The following ABCB7 variants were observed in gnomAD, a reference collection of about 807,000 sequenced individuals.
The protein encoded by ABCB7 is ATP binding cassette subfamily B member 7.
In ABCB7, 7 loss-of-function variants were observed where a neutral mutation model predicts 54.4. That is an observed-to-expected ratio of 0.13 (90% confidence interval 0.07 to 0.24). The LOEUF (loss-of-function observed/expected upper bound fraction) is 0.24, where lower values mean the gene tolerates loss of function less well. Among genes scored for constraint, ABCB7 ranks in the 10% least tolerant of loss-of-function variants. ABCB7 has a pLI of 1.00. For synonymous variants in ABCB7, 218 were observed against 207.1 expected, an observed-to-expected ratio of 1.05 and a Z score of -0.45; for missense variants, 356 against 570.4, an observed-to-expected ratio of 0.62 and a Z score of 3.83.
chrX:75,086,776 G>A (rs1602356822), intron 4 of ABCB7, among the ~76,000 whole-genome samples: 1 of 111,415 alleles, frequency 9.0e-6, no homozygotes, highest in Non-Finnish European at 1.9e-5. Context: ...CACTGGTCAC[G>A]AGGCCCCACT....
chrX:75,117,483 A>G, intron 1 of ABCB7, among the ~76,000 whole-genome samples: 1 of 110,847 alleles, frequency 9.0e-6, no homozygotes, highest in Non-Finnish European at 1.9e-5. Context: ...GCTCCTCTCA[A>G]TAAAAAGCAA....
intron 15 of ABCB7, among the ~76,000 whole-genome samples, chrX:75,056,116 GTTTCTCTA>G (rs986036487): frequency 8.9e-6 from 1 of 111,746 alleles, no homozygotes; most frequent in African/African-American, 3.3e-5. Flanking sequence ...ACATCTACCA[GTTTCTCTA>G]TTTCTCTATT....
At chrX:75,069,491 CT>C (rs775782857) in intron 10 of ABCB7, 37 bp from the exon 11 acceptor site, 1 of 1,171,912 alleles carries the variant, frequency 8.5e-7, no homozygotes, top group African/African-American at 1.8e-5. Context: ...ACTTTACGCA[CT>C]GCCTAGAGTA....
chrX:75,100,316 C>T (rs1224883284), intron 3 of ABCB7, among the ~76,000 whole-genome samples: 3 of 110,588 alleles, frequency 2.7e-5, no homozygotes, highest in Non-Finnish European at 3.8e-5. Context: ...AAGCAGTATC[C>T]TATCATTCTT....
At chrX:75,153,758 G>GTATATATATATA (rs1331840413) in intron 1 of ABCB7, among the ~76,000 whole-genome samples, 143 of 93,479 alleles carry the variant, frequency 1.5e-3, no homozygotes, top group South Asian at 5.4e-3. Flanking sequence ...GTGTGTGTGT[G>GTATATATATATA]TGTATATATA....
intron 1 of ABCB7, among the ~76,000 whole-genome samples, chrX:75,153,552 G>C (rs922649206): frequency 1.8e-4 from 20 of 108,391 alleles, no homozygotes; most frequent in Non-Finnish European, 2.5e-4. Context: ...TAGGAAGGTG[G>C]AACTTGCTAC....
chrX:75,142,792 G>T (rs1432430962), intron 1 of ABCB7, among the ~76,000 whole-genome samples: 1 of 112,309 alleles, frequency 8.9e-6, no homozygotes, highest in Non-Finnish European at 1.9e-5. Flanking sequence ...TTGCCTACCT[G>T]TTTTCTCCTT....
At chrX:75,133,482 G>A (rs1291775886) in intron 1 of ABCB7, among the ~76,000 whole-genome samples, 3 of 111,439 alleles carry the variant, frequency 2.7e-5, no homozygotes, top group African/African-American at 9.8e-5. Context: ...GAGAATTCCT[G>A]TCAGTGTGAG....
chrX:75,120,841 G>T (rs747075559), intron 1 of ABCB7, among the ~76,000 whole-genome samples: 1 of 110,072 alleles, frequency 9.1e-6, no homozygotes, highest in South Asian at 4.0e-4. Context: ...TTTCTGACAG[G>T]CCCAGGAGCC....
chrX:75,059,794 A>G (rs2081268522), intron 15 of ABCB7, among the ~76,000 whole-genome samples: 1 of 111,801 alleles, frequency 8.9e-6, no homozygotes, highest in Non-Finnish European at 1.9e-5. Flanking sequence ...AATAAAAATG[A>G]CCATGTTTGA....
intron 1 of ABCB7, among the ~76,000 whole-genome samples, chrX:75,147,989 G>A (rs1422460481): frequency 3.6e-5 from 4 of 111,354 alleles, no homozygotes; most frequent in Non-Finnish European, 7.5e-5. Flanking sequence ...GGTGGTGTGC[G>A]CCTGTAATCC....
At chrX:75,087,234 G>A (rs956796626) in intron 4 of ABCB7, among the ~76,000 whole-genome samples, 3 of 111,372 alleles carry the variant, frequency 2.7e-5, no homozygotes, top group South Asian at 3.8e-4. Context: ...TTTCCTGCAC[G>A]AAGCCAAGAA....
intron 6 of ABCB7, among the ~76,000 whole-genome samples, chrX:75,074,545 T>C (rs2081390788): frequency 8.9e-6 from 1 of 111,811 alleles, no homozygotes; most frequent in Non-Finnish European, 1.9e-5. Context: ...CATAAAGACA[T>C]ACAAATGCGT....
chrX:75,069,694 GA>G (rs780288080), intron 10 of ABCB7, among the ~76,000 whole-genome samples: 2 of 110,022 alleles, frequency 1.8e-5, no homozygotes, highest in Non-Finnish European at 3.8e-5. Flanking sequence ...TGGGGTTGGG[GA>G]GGGAGAAGGG....
At chrX:75,089,416 G>T (rs889267914) in intron 4 of ABCB7, among the ~76,000 whole-genome samples, 6 of 111,070 alleles carry the variant, frequency 5.4e-5, no homozygotes, top group African/African-American at 2.0e-4. Flanking sequence ...TAAGTGATAG[G>T]GGGAATGAAT....
At chrX:75,100,081 T>TAA (rs993134552) in intron 3 of ABCB7, among the ~76,000 whole-genome samples, 1 of 109,010 alleles carries the variant, frequency 9.2e-6, no homozygotes. Context: ...GAATTTATGC[T>TAA]AAAAAAAAAC....
At chrX:75,131,649 A>G (rs1019857449) in intron 1 of ABCB7, among the ~76,000 whole-genome samples, 7 of 111,373 alleles carry the variant, frequency 6.3e-5, no homozygotes, top group African/African-American at 2.3e-4. Context: ...TCCCACCCCA[A>G]TGCCCTCAAG....
chrX:75,115,138 T>G (rs536462713), intron 1 of ABCB7, among the ~76,000 whole-genome samples: 66 of 106,836 alleles, frequency 6.2e-4, no homozygotes, highest in African/African-American at 1.8e-3. Flanking sequence ...CGTGGTGGCG[T>G]GCGCCTGTAG....
intron 15 of ABCB7, among the ~76,000 whole-genome samples, chrX:75,055,151 AT>A (rs1262597960): frequency 9.0e-6 from 1 of 111,008 alleles, no homozygotes; most frequent in Non-Finnish European, 1.9e-5. Context: ...CACCAAATCC[AT>A]TTTAAAATTT....
Sources: allele counts gnomAD v4.1 joint callset (sites outside exome capture counted in the v4.1 genomes callset), GRCh38; gene constraint gnomAD v4.1.1; transcripts MANE v1.5; gene names NCBI Gene and HGNC (gene_info 2026-07-23, HGNC 2026-07-21).